Variants in RBMS3 observed in about 807,000 individuals in gnomAD.
The protein encoded by RBMS3 is RNA-binding motif, single-stranded-interacting protein 3.
In RBMS3, 27 loss-of-function variants were observed where a neutral mutation model predicts 66.8. The ratio of observed to expected loss-of-function variants is 0.40; its 90% CI spans 0.30 to 0.56. The LOEUF (loss-of-function observed/expected upper bound fraction) is 0.56, where lower values mean the gene tolerates loss of function less well. Ranked by LOEUF, RBMS3 falls within the 20% of genes least tolerant of loss-of-function variation. The pLI is 0.40. For missense variants in RBMS3, 513 were observed against 549.5 expected (o/e 0.93, Z 0.66); for synonymous variants, 188 against 183.0 (o/e 1.03, Z -0.22).
At chr3:29,418,418 G>C (rs2040567247) in intron 1 of RBMS3, among the ~76,000 whole-genome samples, 1 of 152,094 alleles carries the variant, frequency 6.6e-6, no homozygotes. Context: ...AATCCTCAGT[G>C]CTAAATGAAA....
chr3:29,445,081 A>C (rs17666790), intron 2 of RBMS3, among the ~76,000 whole-genome samples: 1 of 151,374 alleles, frequency 6.6e-6, no homozygotes, highest in Non-Finnish European at 1.5e-5. Context: ...ACACTTCCAG[A>C]TTTTTAAGTG....
chr3:29,804,201 G>A (rs1023416200), intron 6 of RBMS3, among the ~76,000 whole-genome samples: 2 of 151,870 alleles, frequency 1.3e-5, no homozygotes, highest in African/African-American at 4.8e-5. Context: ...AGTGGTCTAG[G>A]CATATTCATG....
intron 1 of RBMS3, among the ~76,000 whole-genome samples, chr3:29,395,410 G>A (rs540230778): frequency 3.7e-4 from 56 of 152,192 alleles, no homozygotes; most frequent in African/African-American, 1.3e-3. Flanking sequence ...AAATACTTAG[G>A]GTCAAATCCC....
intron 3 of RBMS3, among the ~76,000 whole-genome samples, chr3:29,497,999 TTTTTTTTTTTTGG>T (rs1470024096): frequency 5.5e-5 from 6 of 109,022 alleles, no homozygotes; most frequent in East Asian, 5.7e-4. Context: ...TTTTTTTTTT[TTTTTTTTTTTTGG>T]GAGACAGAGT....
At chr3:29,900,640 C>G (rs1205862039) in intron 10 of RBMS3, among the ~76,000 whole-genome samples, 4 of 151,702 alleles carry the variant, frequency 2.6e-5, no homozygotes, top group Admixed American at 6.6e-5. Flanking sequence ...TCTCTGGTGA[C>G]TCTTCTGGGT....
intron 5 of RBMS3, among the ~76,000 whole-genome samples, chr3:29,756,654 G>A (rs1019066682): frequency 8.5e-5 from 13 of 152,084 alleles, no homozygotes; most frequent in Non-Finnish European, 1.6e-4. Flanking sequence ...TTCAAGATGA[G>A]ATTTGGTTGG....
chr3:29,575,139 G>A (rs542887567), intron 3 of RBMS3, among the ~76,000 whole-genome samples: 1 of 152,216 alleles, frequency 6.6e-6, no homozygotes, highest in South Asian at 2.1e-4. Flanking sequence ...TCTTCTTTCA[G>A]ATTGAAGAAC....
At chr3:29,873,802 GT>G (rs2149559740) in intron 7 of RBMS3, among the ~76,000 whole-genome samples, 1 of 152,252 alleles carries the variant, frequency 6.6e-6, no homozygotes, top group East Asian at 1.9e-4. Flanking sequence ...ATGAAGCAAT[GT>G]TGAAATTTAT....
At chr3:29,620,422 TA>T (rs1230027477) in intron 4 of RBMS3, among the ~76,000 whole-genome samples, 1 of 152,146 alleles carries the variant, frequency 6.6e-6, no homozygotes, top group Non-Finnish European at 1.5e-5. Flanking sequence ...TTTAAGCTTA[TA>T]TCTCACTTCT....
chr3:29,306,311 C>T (rs952899902), intron 1 of RBMS3, among the ~76,000 whole-genome samples: 1 of 151,872 alleles, frequency 6.6e-6, no homozygotes, highest in Non-Finnish European at 1.5e-5. Context: ...CAAGAAGATA[C>T]ATGTGGATTT....
At chr3:29,977,688 C>G (rs1338084186) in intron 12 of RBMS3, among the ~76,000 whole-genome samples, 1 of 152,108 alleles carries the variant, frequency 6.6e-6, no homozygotes, top group Admixed American at 6.6e-5. Flanking sequence ...TAAAAACCAT[C>G]AAGCTGTTTA....
intron 1 of RBMS3, among the ~76,000 whole-genome samples, chr3:29,347,516 T>A (rs186385839): frequency 1.3e-5 from 2 of 152,342 alleles, no homozygotes; most frequent in Non-Finnish European, 2.9e-5. Flanking sequence ...TTGAAGTTAT[T>A]ATCTATGGGT....
At chr3:29,481,814 AG>A (rs1214147494) in intron 2 of RBMS3, among the ~76,000 whole-genome samples, 11 of 152,204 alleles carry the variant, frequency 7.2e-5, no homozygotes, top group Non-Finnish European at 1.5e-4. Context: ...CTAGTGTCTG[AG>A]TTATTATTTT....
intron 14 of RBMS3, among the ~76,000 whole-genome samples, chr3:29,995,559 G>A (rs144128577): frequency 0.017 from 2,563 of 148,116 alleles, 59 homozygotes; most frequent in Admixed American, 0.029. Flanking sequence ...GACTAACAGC[G>A]GATCTCTCAG....
At chr3:29,885,206 G>A (rs529885318) in intron 8 of RBMS3, among the ~76,000 whole-genome samples, 1 of 151,938 alleles carries the variant, frequency 6.6e-6, no homozygotes, top group East Asian at 1.9e-4. Flanking sequence ...TTTCCTTCAA[G>A]AGGCTCACAA....
At chr3:29,353,363 G>A (rs2037036232) in intron 1 of RBMS3, among the ~76,000 whole-genome samples, 1 of 151,832 alleles carries the variant, frequency 6.6e-6, no homozygotes, top group Non-Finnish European at 1.5e-5. Context: ...TTATTATCAG[G>A]AGTTTTTTAT....
At chr3:29,882,018 G>A (rs765772359) in intron 7 of RBMS3, among the ~76,000 whole-genome samples, 12 of 152,102 alleles carry the variant, frequency 7.9e-5, no homozygotes, top group East Asian at 1.9e-4. Context: ...ATAATATCTC[G>A]ATTGAATGTA....
chr3:29,653,793 A>T (rs2050224915), intron 4 of RBMS3, among the ~76,000 whole-genome samples: 1 of 152,076 alleles, frequency 6.6e-6, no homozygotes, highest in Admixed American at 6.6e-5. Flanking sequence ...TCCTCTCACA[A>T]TTCTGCTTTT....
chr3:29,312,173 G>A (rs2034419552), intron 1 of RBMS3, among the ~76,000 whole-genome samples: 1 of 151,772 alleles, frequency 6.6e-6, no homozygotes, highest in African/African-American at 2.4e-5. Flanking sequence ...ATATAGTCTT[G>A]TGGAGAATAA....
Sources: allele counts gnomAD v4.1 joint callset (sites outside exome capture counted in the v4.1 genomes callset), GRCh38; gene constraint gnomAD v4.1.1; transcripts MANE v1.5; gene names NCBI Gene and HGNC (gene_info 2026-07-23, HGNC 2026-07-21).